The following DOCK11 variants were observed in gnomAD, a reference collection of about 807,000 sequenced individuals.
The protein encoded by DOCK11 is dedicator of cytokinesis protein 11.
A neutral mutation model predicts 169.1 loss-of-function variants in DOCK11; 70 were observed. The observed-to-expected ratio is 0.41, with a 90% CI of 0.34 to 0.51. The LOEUF is 0.51. Ranked by LOEUF, DOCK11 falls within the 20% of genes least tolerant of loss-of-function variation. DOCK11 has a pLI of 0.10. For missense variants in DOCK11, 1,166 were observed against 1,538.8 expected, an observed-to-expected ratio of 0.76 and a Z score of 4.05; for synonymous variants, 529 against 541.3, an observed-to-expected ratio of 0.98 and a Z score of 0.32.
intron 1 of DOCK11, among the ~76,000 whole-genome samples, chrX:118,511,694 C>A (rs983767409): frequency 2.7e-5 from 3 of 111,095 alleles, no homozygotes; most frequent in African/African-American, 9.8e-5. Flanking sequence ...AACCCTGGAA[C>A]CTCTGGGGCT....
intron 6 of DOCK11, among the ~76,000 whole-genome samples, chrX:118,548,849 C>G (rs1488825959): frequency 8.9e-6 from 1 of 112,088 alleles, no homozygotes; most frequent in African/African-American, 3.2e-5. Context: ...CAATAGGAAA[C>G]TAATACAATT....
intron 1 of DOCK11, among the ~76,000 whole-genome samples, chrX:118,506,416 A>C (rs779727844): frequency 1.8e-5 from 2 of 112,120 alleles, no homozygotes; most frequent in African/African-American, 6.5e-5. Context: ...CTATATTCCC[A>C]GCACTTTGAG....
In DOCK11 at chrX:118,654,827, TAA is replaced by T. The variant is rs751120828; in HGVS notation, c.4911+12_4911+13del. On this transcript the variant is annotated intron_variant, in intron 43 of 52. Coordinates refer to ENST00000276202, the MANE Select transcript of DOCK11 (RefSeq NM_144658.4). ...TGGAGATTTTTCAGAGGTGACTACT[TAA>T]AGTTTTGTTCTAAACAGCCCTTCAA... is the stretch of plus-strand genomic sequence containing the variant. 496 of 1,208,354 alleles carry T rather than the reference TAA, an allele frequency of 4.1e-4. 1 individual carries two copies. In the African/African-American group the frequency reaches 8.0e-3, roughly 20 times the overall value.
In DOCK11 at chrX:118,599,082, C is replaced by T. The variant is rs1642555231; in HGVS notation, c.2473-57C>T. ...TACAGGAGGAGGGAGAGGTAGAGAG[C>T]TTGCATTTGAGGATAATGAATCAAA... On this transcript the variant is annotated intron_variant, in intron 22 of 52. Coordinates refer to ENST00000276202, the MANE Select transcript of DOCK11 (RefSeq NM_144658.4). The T allele has an allele frequency of 9.3e-6, 9 of 966,779 alleles. No homozygotes were observed. In the Admixed American group the frequency reaches 1.3e-4, roughly 14 times the overall value. 79.7% of individuals were successfully genotyped at this position (966,779 alleles called of 1,213,427 possible).
intron 14 of DOCK11, 56 bp downstream of exon 14, chrX:118,580,235 G>T: frequency 9.9e-7 from 1 of 1,011,189 alleles, no homozygotes; most frequent in African/African-American, 1.9e-5. Flanking sequence ...GAAGTTAAGG[G>T]CTGTTATACT....
At chrX:118,648,591 T>TATATATAATAATATATAATATATAATAC (rs2015865722) in intron 40 of DOCK11, among the ~76,000 whole-genome samples, 1 of 75,038 alleles carries the variant, frequency 1.3e-5, no homozygotes, top group South Asian at 4.2e-4. Flanking sequence ...AAATATATAA[T>TATATATAATAATATATAATATATAATAC]ATATATAATA....
chrX:118,624,687 A>T, intron 32 of DOCK11, 32 bp downstream of exon 32: 1 of 998,729 alleles, frequency 1.0e-6, no homozygotes, highest in Non-Finnish European at 1.4e-6. Context: ...TTGGAGTTTT[A>T]TCCTATTTTA....
At chrX:118,643,159 A>G (rs1216125691) in intron 39 of DOCK11, among the ~76,000 whole-genome samples, 1 of 111,786 alleles carries the variant, frequency 8.9e-6, no homozygotes, top group Non-Finnish European at 1.9e-5. Context: ...TTAATTGAGA[A>G]GCAATATGGT....
In DOCK11 at chrX:118,601,117, T is replaced by G. The variant is rs188582713; in HGVS notation, c.2562+1889T>G. On this transcript the variant is annotated intron_variant, in intron 23 of 52. Coordinates refer to ENST00000276202, the MANE Select transcript of DOCK11 (RefSeq NM_144658.4). ...GTGGTGGCTATATGGCTATATGTTCTTAACTATCATTAAGACGTATAATAG... is the reference window on the plus strand; with the variant it reads ...GTGGTGGCTATATGGCTATATGTTCGTAACTATCATTAAGACGTATAATAG... Among the ~76,000 whole-genome samples, 164 of 111,402 alleles carry G rather than the reference T, an allele frequency of 1.5e-3. 1 individual carries two copies. The highest frequency in any genetic ancestry group is 0.012 in the Admixed American group (130 of 10,493).
chrX:118,498,261 G>A (rs1185288792), intron 1 of DOCK11, among the ~76,000 whole-genome samples: 1 of 112,468 alleles, frequency 8.9e-6, no homozygotes, highest in Non-Finnish European at 1.9e-5. Flanking sequence ...CTATAATTAT[G>A]AGAATGCAAA....
At position 118,495,853 on chromosome X, in the gene DOCK11, G is replaced by C; in HGVS notation, c.-119G>C. The C allele has an allele frequency of 3.6e-6, 1 of 275,991 alleles. No individual in the cohort carries two copies. The highest frequency in any genetic ancestry group is 5.3e-6 in the Non-Finnish European group (1 of 187,687). The allele number at this position is 275,991 out of a possible 1,213,427, so 22.7% of individuals were successfully genotyped here. A position where few individuals can be genotyped will look rare whatever the true frequency, so the allele number is the denominator to read the frequency against. ...CCGCCGCCGAGCTGCGATGTGGCCG[G>C]CCGGCCGGCGAGTAAACAGAGGGAG... On this transcript the variant is annotated 5_prime_UTR_variant, in exon 1 of 53. Coordinates refer to ENST00000276202, the MANE Select transcript of DOCK11 (RefSeq NM_144658.4).
At chrX:118,648,579 AT>A (rs1431117776) in intron 40 of DOCK11, among the ~76,000 whole-genome samples, 99 of 91,700 alleles carry the variant, frequency 1.1e-3, no homozygotes, top group Non-Finnish European at 1.9e-3. Context: ...ATACATATAT[AT>A]AAATATATAA....
At chrX:118,558,173 A>G (rs1250687562) in intron 6 of DOCK11, among the ~76,000 whole-genome samples, 1 of 109,573 alleles carries the variant, frequency 9.1e-6, no homozygotes, top group Non-Finnish European at 1.9e-5. Context: ...CGGTTTCACC[A>G]TGTTGGCCAG....
chrX:118,586,315 G>A (rs1180464175), intron 16 of DOCK11, among the ~76,000 whole-genome samples: 1 of 111,475 alleles, frequency 9.0e-6, no homozygotes, highest in Non-Finnish European at 1.9e-5. Context: ...TTGACTCACA[G>A]TTCTGTATGG....
At chrX:118,510,434 A>G (rs2057643239) in intron 1 of DOCK11, among the ~76,000 whole-genome samples, 1 of 112,124 alleles carries the variant, frequency 8.9e-6, no homozygotes, top group Admixed American at 9.5e-5. Flanking sequence ...CCCACACAGG[A>G]CTCCCTGAGC....
chrX:118,672,626 A>G lies in DOCK11; in HGVS notation c.5199+1481A>G, dbSNP rs918631473. On this transcript the variant is annotated intron_variant, in intron 46 of 52. Coordinates refer to ENST00000276202, the MANE Select transcript of DOCK11 (RefSeq NM_144658.4). ...ATTTTTTTGTATTTTTAGTAGAGGC[A>G]GGGTTTCACCGTGTTAGCCAAGATG... is the stretch of plus-strand genomic sequence containing the variant. 1.2e-3 allele frequency among the ~76,000 whole-genome samples: 140 copies of G among 112,324 alleles called. 1 individual carries two copies. Among genetic ancestry groups the G allele is most frequent in the African/African-American group, 2.2e-3 (67 of 30,983 alleles).
chrX:118,540,414 G>A (rs953925484), intron 1 of DOCK11, among the ~76,000 whole-genome samples: 2 of 111,340 alleles, frequency 1.8e-5, no homozygotes, highest in Non-Finnish European at 3.8e-5. Flanking sequence ...AGATATGGCC[G>A]AAAGGGGTCA....
chrX:118,682,737 T>G (rs752781871), intron 51 of DOCK11, among the ~76,000 whole-genome samples: 3 of 112,278 alleles, frequency 2.7e-5, no homozygotes, highest in African/African-American at 9.7e-5. Context: ...AAATTCTTTT[T>G]GAATGAATGA....
intron 28 of DOCK11, among the ~76,000 whole-genome samples, chrX:118,612,182 A>G (rs1253552751): frequency 8.9e-6 from 1 of 112,130 alleles, no homozygotes; most frequent in East Asian, 2.8e-4. Context: ...CAATTCATCC[A>G]AGGAGTTTTA....
Sources: allele counts gnomAD v4.1 joint callset (sites outside exome capture counted in the v4.1 genomes callset), GRCh38; gene constraint gnomAD v4.1.1; transcripts MANE v1.5; gene names NCBI Gene and HGNC (gene_info 2026-07-23, HGNC 2026-07-21).